The following FHOD3 variants were observed in gnomAD, a reference collection of about 807,000 sequenced individuals.
FHOD3 encodes the protein FH1/FH2 domain-containing protein 3.
FHOD3 carries 90 observed loss-of-function variants against 173.0 expected under a neutral mutation model. The observed-to-expected ratio is 0.52, with a 90% CI of 0.44 to 0.62. The LOEUF (loss-of-function observed/expected upper bound fraction) is 0.62. Among genes scored for constraint, FHOD3 ranks in the 20% least tolerant of loss-of-function variants. The probability of loss-of-function intolerance (pLI) is 0.00; values close to 1 mark genes in which losing one functional copy is unlikely to be tolerated. For synonymous variants in FHOD3, 828 were observed against 823.0 expected (o/e 1.01, Z -0.10); for missense variants, 1,945 against 2,034.7 (o/e 0.96, Z 0.85).
intron 1 of FHOD3, among the ~76,000 whole-genome samples, chr18:36,329,114 A>G (rs1568129007): frequency 6.6e-6 from 1 of 152,132 alleles, no homozygotes; most frequent in Non-Finnish European, 1.5e-5. Context: ...TCATGCCCCA[A>G]GGGTCTTACC....
intron 1 of FHOD3, among the ~76,000 whole-genome samples, chr18:36,321,791 AG>A (rs1022684844): frequency 2.0e-5 from 3 of 152,080 alleles, no homozygotes; most frequent in Admixed American, 6.5e-5. Context: ...GTGAATATGC[AG>A]GGGGGGCACT....
intron 2 of FHOD3, among the ~76,000 whole-genome samples, chr18:36,371,498 A>T (rs1256137093): frequency 6.6e-6 from 1 of 152,108 alleles, no homozygotes; most frequent in Non-Finnish European, 1.5e-5. Flanking sequence ...CTATCACAAG[A>T]ATGCCCCTGT....
intron 5 of FHOD3, among the ~76,000 whole-genome samples, chr18:36,546,863 GT>G (rs1462263529): frequency 6.6e-6 from 1 of 152,174 alleles, no homozygotes; most frequent in Non-Finnish European, 1.5e-5. Flanking sequence ...GGTCTCCTAT[GT>G]TGACTCCCTC....
chr18:36,550,185 T>G (rs1434362494), intron 5 of FHOD3, among the ~76,000 whole-genome samples: 1 of 148,312 alleles, frequency 6.7e-6, no homozygotes, highest in Non-Finnish European at 1.5e-5. Flanking sequence ...GTGTGTGTGT[T>G]TGTATATATA....
intron 3 of FHOD3, among the ~76,000 whole-genome samples, chr18:36,399,429 G>A (rs1256056939): frequency 6.6e-6 from 1 of 152,228 alleles, no homozygotes; most frequent in Non-Finnish European, 1.5e-5. Context: ...AATCCTAAGT[G>A]TCCACACACA....
chr18:36,647,070 C>G (rs1056416049), intron 10 of FHOD3, among the ~76,000 whole-genome samples: 3 of 152,092 alleles, frequency 2.0e-5, no homozygotes, highest in African/African-American at 7.2e-5. Flanking sequence ...AACCCCGTCT[C>G]TACTAAATAA....
chr18:36,389,533 T>A (rs2048195424), intron 3 of FHOD3, among the ~76,000 whole-genome samples: 1 of 152,192 alleles, frequency 6.6e-6, no homozygotes, highest in Non-Finnish European at 1.5e-5. Flanking sequence ...TCAGTGCCAG[T>A]CCCGCATACT....
At chr18:36,717,803 T>G (rs770988412) in intron 18 of FHOD3, 29 bp from the exon 19 acceptor site, 1 of 1,527,922 alleles carries the variant, frequency 6.5e-7, no homozygotes, top group Admixed American at 2.1e-5. Context: ...CTTGCCCCTT[T>G]CTCATTTTTC....
At chr18:36,617,582 C>CGTGT (rs1568500290) in intron 9 of FHOD3, among the ~76,000 whole-genome samples, 984 of 61,358 alleles carry the variant, frequency 0.016, 12 homozygotes, top group African/African-American at 0.052. Context: ...CTTGTACTTC[C>CGTGT]CTGTGTGTGT....
chr18:36,614,400 T>C (rs2032997070), intron 9 of FHOD3, among the ~76,000 whole-genome samples: 1 of 152,246 alleles, frequency 6.6e-6, no homozygotes, highest in African/African-American at 2.4e-5. Flanking sequence ...ATTTATCAGT[T>C]AGTGAATACT....
intron 19 of FHOD3, among the ~76,000 whole-genome samples, chr18:36,727,542 C>G (rs1415237863): frequency 6.6e-6 from 1 of 152,122 alleles, no homozygotes; most frequent in African/African-American, 2.4e-5. Context: ...TTATTCTTTC[C>G]TTCATGATAT....
At chr18:36,696,568 C>T (rs2039293434) in intron 17 of FHOD3, among the ~76,000 whole-genome samples, 1 of 152,132 alleles carries the variant, frequency 6.6e-6, no homozygotes. Context: ...CATGATATGC[C>T]ATCTAGTGAG....
chr18:36,712,793 A>G (rs2040239511), intron 18 of FHOD3, among the ~76,000 whole-genome samples: 1 of 152,086 alleles, frequency 6.6e-6, no homozygotes, highest in South Asian at 2.1e-4. Flanking sequence ...AGACAAATTT[A>G]AAGACATTCA....
chr18:36,730,114 G>A (rs1241923396), intron 19 of FHOD3, among the ~76,000 whole-genome samples: 1 of 152,182 alleles, frequency 6.6e-6, no homozygotes, highest in Non-Finnish European at 1.5e-5. Flanking sequence ...CTGGTATAAG[G>A]GGCATGGAAT....
Position 36,390,928 on chromosome 18 carries a change from T to A in FHOD3, c.337+18184T>A, listed in dbSNP as rs142662614. Among the ~76,000 whole-genome samples, 786 of 152,360 alleles carry A rather than the reference T, an allele frequency of 5.2e-3. 4 individuals are homozygous for A. Among genetic ancestry groups the A allele is most frequent in the African/African-American group, 0.018 (758 of 41,594 alleles). ...ATCCAACCTGGAAAGATCAAGTATT[T>A]ACCTGTATGGACAGGTATGCACTGC... is the stretch of plus-strand genomic sequence containing the variant. On this transcript the variant is annotated intron_variant, in intron 3 of 28. Coordinates refer to ENST00000590592, the MANE Select transcript of FHOD3 (RefSeq NM_001281740.3).
At chr18:36,616,598 T>C (rs1277741260) in intron 9 of FHOD3, among the ~76,000 whole-genome samples, 2 of 152,226 alleles carry the variant, frequency 1.3e-5, no homozygotes, top group Admixed American at 6.5e-5. Context: ...AAATGAAGCA[T>C]ATTTGTGTCA....
chr18:36,579,960 A>G (rs2058787253), intron 6 of FHOD3, among the ~76,000 whole-genome samples: 1 of 152,152 alleles, frequency 6.6e-6, no homozygotes, highest in African/African-American at 2.4e-5. Flanking sequence ...AAAAACAGAA[A>G]TAACAGAAAT....
intron 17 of FHOD3, among the ~76,000 whole-genome samples, chr18:36,697,708 C>T (rs1194877183): frequency 6.6e-6 from 1 of 152,176 alleles, no homozygotes; most frequent in Admixed American, 6.5e-5. Context: ...AATGATACTT[C>T]CTGTCACAGA....
chr18:36,336,164 G>T (rs1244826236), intron 1 of FHOD3, among the ~76,000 whole-genome samples: 1 of 152,134 alleles, frequency 6.6e-6, no homozygotes, highest in Admixed American at 6.5e-5. Flanking sequence ...TAAGCAGGCG[G>T]TGGTGCTCAT....
Sources: gnomAD v4.1 joint callset for allele counts (sites outside exome capture counted in the v4.1 genomes callset) on GRCh38, gnomAD v4.1.1 for gene constraint, MANE v1.5 for transcripts, NCBI Gene and HGNC (gene_info 2026-07-23, HGNC 2026-07-21) for gene names.